SPOCK1: variants seen among roughly 807,000 people sequenced by gnomAD.
SPOCK1 encodes the protein testican-1.
A neutral mutation model predicts 55.3 loss-of-function variants in SPOCK1; 23 were observed. That is an observed-to-expected ratio of 0.42 (90% CI 0.30 to 0.59). SPOCK1 has a LOEUF of 0.59. SPOCK1 is among the 20% of genes least tolerant of loss of function. SPOCK1 has a pLI of 0.22. For missense variants in SPOCK1, 499 were observed against 552.5 expected (o/e 0.90, Z 0.97); for synonymous variants, 226 against 221.0 (o/e 1.02, Z -0.20).
intron 4 of SPOCK1, among the ~76,000 whole-genome samples, chr5:137,120,436 G>C (rs1442466049): frequency 6.6e-6 from 1 of 152,200 alleles, no homozygotes; most frequent in Non-Finnish European, 1.5e-5. Flanking sequence ...TTGAACTCTA[G>C]ACTGTGGTTC....
chr5:137,417,896 T>C (rs1752378429), intron 2 of SPOCK1, among the ~76,000 whole-genome samples: 1 of 152,224 alleles, frequency 6.6e-6, no homozygotes, highest in South Asian at 2.1e-4. Context: ...ATTGGTGTGC[T>C]GCACCCATTA....
intron 2 of SPOCK1, among the ~76,000 whole-genome samples, chr5:137,321,642 G>A (rs765112181): frequency 1.7e-4 from 26 of 152,128 alleles, no homozygotes; most frequent in Admixed American, 1.1e-3. Flanking sequence ...TTGGGAGGCC[G>A]AGGCAGGTGG....
At position 137,314,685 on chromosome 5, in the gene SPOCK1, G is replaced by A. The variant is rs78257218; in HGVS notation, c.187-47630C>T. On this transcript the variant is annotated intron_variant, in intron 2 of 10. Coordinates refer to ENST00000394945, the MANE Select transcript of SPOCK1 (RefSeq NM_004598.4). ...TCCACAGCTACAGTCCTTAGCTATCGGTTTACTGCCTGGCTCTATTTAAAA... is the reference window on the plus strand; with the variant it reads ...TCCACAGCTACAGTCCTTAGCTATCAGTTTACTGCCTGGCTCTATTTAAAA... 3.6e-3 allele frequency among the ~76,000 whole-genome samples: 551 copies of A among 152,210 alleles called. 5 individuals are homozygous for A. Among genetic ancestry groups the A allele is most frequent in the Non-Finnish European group, 5.7e-3 (385 of 68,018 alleles).
chr5:137,439,171 ATGTT>A lies in SPOCK1; in HGVS notation c.186+59198_186+59201del, dbSNP rs778741147. The stretch of plus-strand genomic sequence containing the variant: ...GGAGATGAAGAGACAGAGGATGGGG[ATGTT>A]GCATGTGGGTGTGGCTGTGACACAG... On this transcript the variant is annotated intron_variant, in intron 2 of 10. Transcript: ENST00000394945. 2.5e-3 allele frequency among the ~76,000 whole-genome samples: 384 copies of A among 152,316 alleles called. 4 individuals are homozygous for A. Among genetic ancestry groups the A allele is most frequent in the Non-Finnish European group, 2.1e-3 (145 of 68,026 alleles).
intron 2 of SPOCK1, among the ~76,000 whole-genome samples, chr5:137,459,184 G>A (rs1428226412): frequency 1.3e-5 from 2 of 152,038 alleles, no homozygotes; most frequent in Non-Finnish European, 2.9e-5. Context: ...AGTCTTCTGC[G>A]AGCTAAAAAC....
chr5:137,255,186 C>T (rs1756610132), intron 3 of SPOCK1, among the ~76,000 whole-genome samples: 1 of 152,224 alleles, frequency 6.6e-6, no homozygotes, highest in South Asian at 2.1e-4. Flanking sequence ...CTGCTAGATA[C>T]TGGCGGGAAC....
chr5:137,012,347 C>T (rs1356383895), intron 6 of SPOCK1, among the ~76,000 whole-genome samples: 1 of 152,110 alleles, frequency 6.6e-6, no homozygotes, highest in African/African-American at 2.4e-5. Flanking sequence ...TGAGGACGAG[C>T]TGGAGAAAGA....
intron 3 of SPOCK1, among the ~76,000 whole-genome samples, chr5:137,243,031 A>C (rs1428890969): frequency 1.3e-5 from 2 of 152,196 alleles, no homozygotes; most frequent in Non-Finnish European, 2.9e-5. Flanking sequence ...TTCCTGAACC[A>C]ACTGAATTTA....
intron 2 of SPOCK1, among the ~76,000 whole-genome samples, chr5:137,345,394 C>A (rs1165342924): frequency 6.6e-6 from 1 of 152,208 alleles, no homozygotes; most frequent in African/African-American, 2.4e-5. Flanking sequence ...TGAAACATAT[C>A]CCCAGCTGCT....
At chr5:137,193,027 A>C (rs140553859) in intron 3 of SPOCK1, among the ~76,000 whole-genome samples, 8 of 152,230 alleles carry the variant, frequency 5.3e-5, no homozygotes, top group Admixed American at 1.3e-4. Context: ...AAAGCTCTGA[A>C]GCTGATAGGG....
Position 137,498,424 on chromosome 5 carries a change from C to T in SPOCK1, c.135G>A (p.Leu45=). 6.2e-7 allele frequency: 1 copy of T among 1,610,570 alleles called. No individual in the cohort carries two copies. The highest frequency in any genetic ancestry group is 8.5e-7 in the Non-Finnish European group (1 of 1,178,576). The change falls in exon 2 of 11, where the codon CTG becomes CTA. Residue 45 remains leucine, a synonymous_variant. Transcript: ENST00000394945. ...CCCGGTCGTACTGGGAGACGGTGCT[C>T]AGCCACTGGTCATTGTCTAGGAAAT... is the stretch of plus-strand genomic sequence containing the variant. The part of the protein sequence containing the change: ...HGNFLDNDQW[L]STVSQYDRDK...
In SPOCK1 at chr5:137,233,713, C is replaced by CTTTTTTTTTTTTTTTTTTTTTTT. The variant is rs56328555; in HGVS notation, c.232+33274_232+33296dup. 1.2e-3 allele frequency among the ~76,000 whole-genome samples: 70 copies of CTTTTTTTTTTTTTTTTTTTTTTT among 58,426 alleles called. 1 individual carries two copies. The highest frequency in any genetic ancestry group is 1.8e-3 in the African/African-American group (20 of 11,032). 38.3% of individuals were successfully genotyped at this position (58,426 alleles called of 152,430 possible). A position where few individuals can be genotyped will look rare whatever the true frequency, so the allele number is the denominator to read the frequency against. ...TTCATTGTTAGTATGAGGATATGCA[C>CTTTTTTTTTTTTTTTTTTTTTTT]TTTTTTTTTTTTTTTTTTTTTTTTT... On this transcript the variant is annotated intron_variant, in intron 3 of 10. Transcript: ENST00000394945.
At chr5:137,151,615 G>T (rs1350703623) in intron 3 of SPOCK1, among the ~76,000 whole-genome samples, 2 of 152,128 alleles carry the variant, frequency 1.3e-5, no homozygotes, top group Non-Finnish European at 2.9e-5. Flanking sequence ...ATTCTTGCAG[G>T]ACCAGAAAGC....
chr5:137,496,927 A>G (rs1754311088), intron 2 of SPOCK1, among the ~76,000 whole-genome samples: 1 of 152,238 alleles, frequency 6.6e-6, no homozygotes, highest in Non-Finnish European at 1.5e-5. Context: ...CTATTCATTG[A>G]AAGTGTTTGA....
intron 6 of SPOCK1, among the ~76,000 whole-genome samples, chr5:137,004,019 C>T (rs1423938738): frequency 1.3e-5 from 2 of 152,154 alleles, no homozygotes; most frequent in South Asian, 2.1e-4. Context: ...CACTACTCCA[C>T]CATTGCCCTG....
chr5:137,204,554 C>T (rs771068357), intron 3 of SPOCK1, among the ~76,000 whole-genome samples: 1 of 152,042 alleles, frequency 6.6e-6, no homozygotes, highest in Non-Finnish European at 1.5e-5. Flanking sequence ...TTTGTTCAGC[C>T]CATCACCCTG....
At chr5:137,056,516 G>T (rs1258292536) in intron 6 of SPOCK1, among the ~76,000 whole-genome samples, 4 of 152,112 alleles carry the variant, frequency 2.6e-5, no homozygotes, top group African/African-American at 9.7e-5. Context: ...CAGGGAGAGA[G>T]ATTTAGGCCT....
intron 2 of SPOCK1, among the ~76,000 whole-genome samples, chr5:137,388,006 TGAG>T (rs1219117144): frequency 2.0e-5 from 3 of 152,200 alleles, no homozygotes; most frequent in Non-Finnish European, 4.4e-5. Flanking sequence ...GGGACAGTGC[TGAG>T]AATAGAATCC....
intron 2 of SPOCK1, among the ~76,000 whole-genome samples, chr5:137,385,946 C>T (rs764344283): frequency 2.0e-5 from 3 of 152,116 alleles, no homozygotes; most frequent in Admixed American, 6.5e-5. Flanking sequence ...CTGCCACAGA[C>T]GACATGTAAA....
Sources: gnomAD v4.1 joint callset for allele counts (sites outside exome capture counted in the v4.1 genomes callset) on GRCh38, gnomAD v4.1.1 for gene constraint, MANE v1.5 for transcripts, NCBI Gene and HGNC (gene_info 2026-07-23, HGNC 2026-07-21) for gene names.